The following LIMD1 variants were observed in gnomAD, a reference collection of about 807,000 sequenced individuals.
The protein encoded by LIMD1 is LIM domain-containing protein 1.
In LIMD1, 23 loss-of-function variants were observed where a neutral mutation model predicts 58.4. The observed-to-expected ratio is 0.39, with a 90% confidence interval of 0.28 to 0.56. The LOEUF is 0.56. Ranked by LOEUF, LIMD1 falls within the 20% of genes least tolerant of loss-of-function variation. LIMD1 has a pLI of 0.57. For synonymous variants in LIMD1, 334 were observed against 345.5 expected (o/e 0.97, Z 0.37); for missense variants, 838 against 855.5 (o/e 0.98, Z 0.25).
At position 45,665,730 on chromosome 3, in the gene LIMD1, C is replaced by G. The variant is rs760632091; in HGVS notation, c.1578+13C>G. 8 of 1,612,744 alleles carry G rather than the reference C, an allele frequency of 5.0e-6. No individual in the cohort carries two copies. The highest frequency in any genetic ancestry group is 6.8e-6 in the Non-Finnish European group (8 of 1,178,822). ...AGAAGACTTCCTGGTGAGTGTGTCA[C>G]CGAAGCCTCCCCTTGCATGTCCTGG... On this transcript the variant is annotated intron_variant, in intron 3 of 7. Transcript: ENST00000273317.
intron 1 of LIMD1, among the ~76,000 whole-genome samples, chr3:45,602,271 C>T (rs2125648041): frequency 6.6e-6 from 1 of 152,190 alleles, no homozygotes; most frequent in African/African-American, 2.4e-5. Context: ...TTTGTGTCCC[C>T]TGGACCTGAA....
At chr3:45,618,099 C>T (rs1701591889) in intron 1 of LIMD1, among the ~76,000 whole-genome samples, 1 of 152,174 alleles carries the variant, frequency 6.6e-6, no homozygotes, top group Non-Finnish European at 1.5e-5. Flanking sequence ...GCCCTTCTTG[C>T]CACTCCAGTC....
intron 4 of LIMD1, among the ~76,000 whole-genome samples, chr3:45,669,025 G>A (rs1697558134): frequency 6.6e-6 from 1 of 152,140 alleles, no homozygotes; most frequent in African/African-American, 2.4e-5. Context: ...GAAAGCCAGA[G>A]GAGCAAAGTT....
chr3:45,655,012 C>G (rs560995363), intron 2 of LIMD1, among the ~76,000 whole-genome samples: 1 of 150,858 alleles, frequency 6.6e-6, no homozygotes, highest in Non-Finnish European at 1.5e-5. Context: ...CTCTGCCACC[C>G]GGGTTCAAGT....
chr3:45,621,729 T>C (rs1234920991), intron 1 of LIMD1, among the ~76,000 whole-genome samples: 1 of 152,220 alleles, frequency 6.6e-6, no homozygotes. Flanking sequence ...CAGCATTTAA[T>C]AACAGGTATA....
intron 2 of LIMD1, among the ~76,000 whole-genome samples, chr3:45,641,498 A>T (rs7638302): frequency 1 from 148,521 of 148,524 alleles, 74,259 homozygotes; most frequent in Middle Eastern, 1. Context: ...TTTATATATA[A>T]TTATATATAT....
intron 1 of LIMD1, among the ~76,000 whole-genome samples, chr3:45,632,294 T>TTG: frequency 1.3e-5 from 2 of 152,168 alleles, no homozygotes; most frequent in Non-Finnish European, 2.9e-5. Context: ...CTAACTCATA[T>TTG]CTTGACATTT....
chr3:45,609,783 T>C (rs963019857), intron 1 of LIMD1, among the ~76,000 whole-genome samples: 1 of 152,254 alleles, frequency 6.6e-6, no homozygotes, highest in Non-Finnish European at 1.5e-5. Flanking sequence ...CAGGTATTGC[T>C]TAGTTCCTCC....
rs150607404 is a variant in LIMD1 at position 45,595,127 on chromosome 3, G to T, written c.248G>T (p.Arg83Leu). The change falls in exon 1 of 8, where the codon CGC (arginine) becomes CTC (leucine). Residue 83 changes from arginine to leucine, a missense_variant. This residue lies in a region of LIMD1 where 659 missense variants were observed against 639.8 expected (regional missense o/e 1.03). Transcript: ENST00000273317. ...AGAGGCCCTGTCAATGGAGGGGGCCGCCTGGGCCCACAGGCCCGTTGGGAA... is the reference window on the plus strand; with the variant it reads ...AGAGGCCCTGTCAATGGAGGGGGCCTCCTGGGCCCACAGGCCCGTTGGGAA... Reference protein sequence around the residue: ...GSRGPVNGGGRLGPQARWEVV... With the variant: ...GSRGPVNGGGLLGPQARWEVV... 2 of 1,606,994 alleles carry T rather than the reference G, an allele frequency of 1.2e-6. No individual in the cohort carries two copies. The highest frequency in any genetic ancestry group is 1.7e-5 in the Admixed American group (1 of 59,528).
Position 45,674,336 on chromosome 3 carries a change from G to C in LIMD1, c.1825-7G>C, listed in dbSNP as rs1204996065. On this transcript the variant is annotated splice_region_variant and splice_polypyrimidine_tract_variant and intron_variant, in intron 6 of 7. Transcript: ENST00000273317. ...TCCTATGTGTTCTTGCTTTTCTCTG[G>C]TCCCAGGGCTCAGATGAGACCATCC... 2 of 1,613,130 alleles carry C rather than the reference G, an allele frequency of 1.2e-6. No homozygotes were observed. Among genetic ancestry groups the C allele is most frequent in the Non-Finnish European group, 1.7e-6 (2 of 1,179,406 alleles).
intron 7 of LIMD1, among the ~76,000 whole-genome samples, chr3:45,674,724 A>G (rs1697645349): frequency 6.6e-6 from 1 of 152,072 alleles, no homozygotes; most frequent in African/African-American, 2.4e-5. Context: ...TGCGGGCCAC[A>G]TTGTCAGGCA....
At chr3:45,660,465 G>A (rs990489494) in intron 2 of LIMD1, among the ~76,000 whole-genome samples, 10 of 134,238 alleles carry the variant, frequency 7.4e-5, no homozygotes, top group African/African-American at 2.9e-4. Context: ...ATAAAGGCTA[G>A]AGTGCAATGG....
intron 2 of LIMD1, among the ~76,000 whole-genome samples, chr3:45,640,610 C>T (rs1206547151): frequency 2.6e-5 from 4 of 151,868 alleles, no homozygotes; most frequent in South Asian, 2.1e-4. Flanking sequence ...TTGTATTTTT[C>T]GTAGAGACAG....
At chr3:45,603,101 A>G (rs1317053505) in intron 1 of LIMD1, among the ~76,000 whole-genome samples, 1 of 152,170 alleles carries the variant, frequency 6.6e-6, no homozygotes, top group African/African-American at 2.4e-5. Flanking sequence ...TTGGCCTCCC[A>G]AAGTGCTGGG....
intron 2 of LIMD1, among the ~76,000 whole-genome samples, chr3:45,656,242 T>G (rs545828335): frequency 1.1e-3 from 165 of 152,308 alleles, no homozygotes; most frequent in African/African-American, 3.8e-3. Context: ...CTACTCACTT[T>G]ATGGTATTTT....
chr3:45,670,866 T>G (rs931966277), intron 4 of LIMD1, among the ~76,000 whole-genome samples: 3 of 152,172 alleles, frequency 2.0e-5, no homozygotes, highest in African/African-American at 7.2e-5. Flanking sequence ...GTCTAACTCT[T>G]TGTGTAAATT....
rs1284033861 is a variant in LIMD1 at position 45,679,157 on chromosome 3, A to G, written c.*2098A>G. 5.3e-5 allele frequency: 8 copies of G among 152,354 alleles called. No individual in the cohort carries two copies. In the South Asian group the frequency reaches 1.4e-3, roughly 28 times the overall value. The allele number at this position is 152,354 out of a possible 1,614,324, so 9.4% of individuals were successfully genotyped here. ...CTGGGATTTGTTTGCAAATTGGGTA[A>G]TTAGTTTAAAAATCTGTGATTACAT... On this transcript the variant is annotated 3_prime_UTR_variant, in exon 8 of 8. Transcript: ENST00000273317.
intron 1 of LIMD1, among the ~76,000 whole-genome samples, chr3:45,634,742 A>G (rs1206173397): frequency 6.6e-6 from 1 of 152,218 alleles, no homozygotes; most frequent in African/African-American, 2.4e-5. Context: ...AGCACTTTGT[A>G]GTTGAGGCAT....
Position 45,677,760 on chromosome 3 carries a change from G to A in LIMD1, c.*701G>A, listed in dbSNP as rs927048482. ...TACTCTCCTAAAGGCAGCTGAGTCC[G>A]CGACAGAAATTTGCCCTATGTGAGT... is the stretch of plus-strand genomic sequence containing the variant. On this transcript the variant is annotated 3_prime_UTR_variant, in exon 8 of 8. Coordinates refer to ENST00000273317, the MANE Select transcript of LIMD1 (RefSeq NM_014240.3). The A allele has an allele frequency of 1.4e-4, 22 of 152,164 alleles. No individual in the cohort carries two copies. The highest frequency in any genetic ancestry group is 4.3e-4 in the African/African-American group (18 of 41,430). 9.4% of individuals were successfully genotyped at this position (152,164 alleles called of 1,614,324 possible).
Sources: gnomAD v4.1 joint callset for allele counts (sites outside exome capture counted in the v4.1 genomes callset) on GRCh38, gnomAD v4.1.1 for gene constraint, gnomAD v4.1.1 regional missense constraint, MANE v1.5 for transcripts, NCBI Gene and HGNC (gene_info 2026-07-23, HGNC 2026-07-21) for gene names.